The following TCF7 variants were observed in gnomAD, a reference collection of about 807,000 sequenced individuals.
TCF7 encodes the protein transcription factor 7.
TCF7 carries 19 observed loss-of-function variants against 46.8 expected under a neutral mutation model. The ratio of observed to expected loss-of-function variants is 0.41; its 90% CI spans 0.28 to 0.60. TCF7 has a LOEUF of 0.60. Ranked by LOEUF, TCF7 falls within the 20% of genes least tolerant of loss-of-function variation. The pLI, the probability that TCF7 is intolerant of heterozygous loss-of-function variation, is 0.35. For missense variants in TCF7, 547 were observed against 504.6 expected, an observed-to-expected ratio of 1.08 and a Z score of -0.81; for synonymous variants, 245 against 213.4, an observed-to-expected ratio of 1.15 and a Z score of -1.29.
chr5:134,108,906 T>C, the TCF7 span, among the ~76,000 whole-genome samples: 2 of 152,146 alleles, frequency 1.3e-5, no homozygotes, highest in Non-Finnish European at 2.9e-5. Flanking sequence ...TTAATCCCTC[T>C]TCTCTCCTAG....
At chr5:134,111,785 C>CACT (rs1755334421), upstream of TCF7, among the ~76,000 whole-genome samples, 1 of 152,186 alleles carries the variant, frequency 6.6e-6, no homozygotes, top group Non-Finnish European at 1.5e-5. Flanking sequence ...TATAATGGAA[C>CACT]ACTAGAGTGT....
intron 3 of TCF7, among the ~76,000 whole-genome samples, chr5:134,129,398 G>A (rs1443566389): frequency 6.6e-6 from 1 of 152,192 alleles, no homozygotes; most frequent in African/African-American, 2.4e-5. Flanking sequence ...GCGGAGCTAT[G>A]AGGTTGTGCC....
At chr5:134,146,193 G>A (rs1353093180) in intron 9 of TCF7, 31 bp from the exon 10 acceptor site, 3 of 1,614,008 alleles carry the variant, frequency 1.9e-6, no homozygotes, top group East Asian at 2.2e-5. Flanking sequence ...TTCACCCTCT[G>A]TTTACAGATA....
chr5:134,138,004 T>A, intron 3 of TCF7, 55 bp from the exon 4 acceptor site: 1 of 1,418,750 alleles, frequency 7.0e-7, no homozygotes, highest in Middle Eastern at 1.8e-4. Flanking sequence ...CTCATCCCAG[T>A]GTCTTCCTCC....
At chr5:134,131,427 C>G (rs1758112864) in intron 3 of TCF7, among the ~76,000 whole-genome samples, 1 of 152,218 alleles carries the variant, frequency 6.6e-6, no homozygotes, top group African/African-American at 2.4e-5. Context: ...ACCTTTCTGT[C>G]TGGTCAGCCT....
intron 3 of TCF7, among the ~76,000 whole-genome samples, chr5:134,121,209 TGAAA>T (rs1335845831): frequency 6.6e-6 from 1 of 151,712 alleles, no homozygotes; most frequent in Non-Finnish European, 1.5e-5. Flanking sequence ...AAGATTGACC[TGAAA>T]GAGACTCCCC....
At chr5:134,114,384 G>A (rs1755503050), upstream of TCF7, among the ~76,000 whole-genome samples, 1 of 152,138 alleles carries the variant, frequency 6.6e-6, no homozygotes, top group African/African-American at 2.4e-5. Context: ...AAGGGCCTAG[G>A]GGACCCCCGC....
At position 134,134,494 on chromosome 5, in the gene TCF7, C is replaced by T. The variant is rs371782891; in HGVS notation, c.442-3565C>T. On this transcript the variant is annotated intron_variant, in intron 3 of 9. Transcript: ENST00000342854. ...TCAGTCTCCGTGCCCTCAGCTGTCA[C>T]GAGGCCTGGTCAGGGCTGATGTTGC... Among the ~76,000 whole-genome samples, 13 of 152,334 alleles carry T rather than the reference C, an allele frequency of 8.5e-5. No homozygotes were observed. The South Asian group carries it at 2.5e-3, about 29-fold the overall frequency.
chr5:134,145,370 A>G, intron 9 of TCF7: 2 of 547,770 alleles, frequency 3.7e-6, no homozygotes, highest in Middle Eastern at 3.0e-4. Flanking sequence ...TCTTGTACCT[A>G]CTGATACCAA....
chr5:134,127,307 G>A (rs974403977), intron 3 of TCF7, among the ~76,000 whole-genome samples: 10 of 152,228 alleles, frequency 6.6e-5, no homozygotes, highest in Non-Finnish European at 1.2e-4. Context: ...AGGGCCAAAA[G>A]GGCTGTCTTT....
Sources: allele counts gnomAD v4.1 joint callset (sites outside exome capture counted in the v4.1 genomes callset), GRCh38; gene constraint gnomAD v4.1.1; transcripts MANE v1.5; gene names NCBI Gene and HGNC (gene_info 2026-07-23, HGNC 2026-07-21).